MRPL28: variants seen among roughly 807,000 people sequenced by gnomAD.
MRPL28 encodes large ribosomal subunit protein bL28m.
A neutral mutation model predicts 26.2 loss-of-function variants in MRPL28; 25 were observed. The observed-to-expected ratio is 0.95, with a 90% confidence interval of 0.69 to 1.33. The LOEUF is 1.33. Ranked by LOEUF, MRPL28 falls within the 40% of genes most tolerant of loss-of-function variation. MRPL28 has a pLI of 0.00. For missense variants in MRPL28, 432 were observed against 327.2 expected (o/e 1.32, Z -2.47); for synonymous variants, 227 against 140.1 (o/e 1.62, Z -4.38).
rs1418277306 is a variant in MRPL28, at chr16:367,616, T to C, written c.*59A>G. On this transcript the variant is annotated 3_prime_UTR_variant, in exon 6 of 6. Transcript: ENST00000199706. ...AGCTCCCCGGGATCTGTGTCCTCAG[T>C]GCAAAGGGCCTGGCAGGGAAAGCTG... is the stretch of plus-strand genomic sequence containing the variant. 6.0e-6 allele frequency: 9 copies of C among 1,490,580 alleles called. No homozygotes were observed. Among genetic ancestry groups the C allele is most frequent in the Non-Finnish European group, 6.5e-6 (7 of 1,072,394 alleles). The allele number at this position is 1,490,580 out of a possible 1,614,324, so 92.3% of individuals were successfully genotyped here.
Position 369,152 on chromosome 16 carries a change from C to T in MRPL28, c.357G>A (p.Leu119=), listed in dbSNP as rs756031640. The T allele has an allele frequency of 1.2e-6, 2 of 1,613,970 alleles. No homozygotes were observed. The highest frequency in any genetic ancestry group is 1.1e-5 in the South Asian group (1 of 91,094). The change falls in exon 3 of 6, where the codon CTG becomes CTA. Residue 119 remains leucine, a synonymous_variant. Coordinates refer to ENST00000199706, the MANE Select transcript of MRPL28 (RefSeq NM_006428.5). ...LFEREFYSEI[L]DKKFTVTVTM... is the part of the protein sequence containing the mutation. ...TCACAGTCACTGTGAACTTCTTGTCCAGGATCTCACTGTAGAACTCTCGCT... is the reference window on the plus strand; with the variant it reads ...TCACAGTCACTGTGAACTTCTTGTCTAGGATCTCACTGTAGAACTCTCGCT...
At chr16:369,787 C>T (rs2054302573) in intron 2 of MRPL28, 144 bp downstream of exon 2, 5 of 1,068,498 alleles carry the variant, frequency 4.7e-6, no homozygotes, top group African/African-American at 1.6e-5. Flanking sequence ...CTTCACTCAG[C>T]GTGCTCCTTT....
At chr16:368,721 G>A (rs1009806166) in intron 3 of MRPL28, 86 bp from the exon 4 acceptor site, 39 of 1,501,846 alleles carry the variant, frequency 2.6e-5, no homozygotes, top group African/African-American at 2.2e-4. Flanking sequence ...CTCTCTAGCC[G>A]CTGGTGGTCC....
In MRPL28 at chr16:369,866, G is replaced by A. The variant is rs114301973; in HGVS notation, c.288+65C>T. On this transcript the variant is annotated intron_variant, in intron 2 of 5. Transcript: ENST00000199706. ...CCAGGTCTCTCCAGGTACCCCGGGC[G>A]TCCGGCACAGAGCCGGCACAGCCAA... The A allele has an allele frequency of 0.012, 19,154 of 1,547,584 alleles. 904 individuals are homozygous for A. In the African/African-American group the frequency reaches 0.14, roughly 12 times the overall value.
chr16:367,693 C>G lies in MRPL28; in HGVS notation c.753G>C (p.Lys251Asn), dbSNP rs1053604. ...QALSEPAVVQ[K>N]RASGQ The stretch of plus-strand genomic sequence containing the variant: ...TGTGTGGTCACTGGCCACTGGCTCT[C>G]TTCTGCACCACCGCCGGCTCTGACA... The change falls in exon 6 of 6, where the codon AAG (lysine) becomes AAC (asparagine). Residue 251 changes from lysine (K) to asparagine (N), a missense_variant. By Grantham distance (94) the Lys-to-Asn change is moderately conservative. Transcript: ENST00000199706. 6.2e-7 allele frequency: 1 copy of G among 1,613,762 alleles called. No homozygotes were observed. Among genetic ancestry groups the G allele is most frequent in the South Asian group, 1.1e-5 (1 of 91,086 alleles).
intron 2 of MRPL28, 51 bp from the exon 3 acceptor site, chr16:369,271 C>G (rs752512367): frequency 6.9e-7 from 1 of 1,442,564 alleles, no homozygotes; most frequent in Non-Finnish European, 9.1e-7. Flanking sequence ...TCTTACATAC[C>G]AAGGGGGGCC....
intron 3 of MRPL28, 76 bp from the exon 4 acceptor site, chr16:368,711 C>T (rs1208119860): frequency 2.1e-5 from 31 of 1,507,194 alleles, no homozygotes; most frequent in Non-Finnish European, 2.7e-5. Context: ...CACCTGGCTC[C>T]TCTCTAGCCG....
chr16:369,444 G>C (rs2054296436), intron 2 of MRPL28: 1 of 627,284 alleles, frequency 1.6e-6, no homozygotes, highest in Non-Finnish European at 2.8e-6. Context: ...CAACAAGCTG[G>C]GCGTTCCCGC....
rs369730509 is a variant in MRPL28 at position 369,924 on chromosome 16, G to A, written c.288+7C>T. ...GAGGAGCCCCTGAAGGCCGCCTGCG[G>A]ACCCACCTTGTCGTTGTTGGCATAT... On this transcript the variant is annotated splice_region_variant and intron_variant, in intron 2 of 5. Transcript: ENST00000199706. 5.6e-6 allele frequency: 9 copies of A among 1,605,622 alleles called. No individual in the cohort carries two copies. The African/African-American group carries it at 6.7e-5, about 12-fold the overall frequency.
chr16:368,750 G>T, intron 3 of MRPL28, 115 bp from the exon 4 acceptor site: 1 of 1,463,660 alleles, frequency 6.8e-7, no homozygotes, highest in Non-Finnish European at 9.1e-7. Context: ...GACAGAGAAG[G>T]CCCGGGTGGG....
chr16:369,311 G>A (rs1415478361), intron 2 of MRPL28, 91 bp from the exon 3 acceptor site: 3 of 1,500,206 alleles, frequency 2.0e-6, no homozygotes, highest in African/African-American at 1.4e-5. Context: ...CCCCCCCGGA[G>A]GCTCCATCAC....
Position 367,382 on chromosome 16 carries a change from G to A in MRPL28, c.*293C>T, listed in dbSNP as rs929854967. The A allele has an allele frequency of 1.5e-6, 1 of 682,020 alleles. No homozygotes were observed. The highest frequency in any genetic ancestry group is 1.8e-5 in the African/African-American group (1 of 56,162). 42.2% of individuals were successfully genotyped at this position (682,020 alleles called of 1,614,324 possible). Reference sequence around the variant, plus strand: ...AGAGAACACCAGTCCTCAAAGCAAAGATACACACACACAGCCTGGCCCAGA... The same window carrying A: ...AGAGAACACCAGTCCTCAAAGCAAAAATACACACACACAGCCTGGCCCAGA... On this transcript the variant is annotated 3_prime_UTR_variant, in exon 6 of 6. Coordinates refer to ENST00000199706, the MANE Select transcript of MRPL28 (RefSeq NM_006428.5).
chr16:370,073 T>C lies in MRPL28; in HGVS notation c.146A>G (p.Lys49Arg). Residue 49 changes from lysine (K) to arginine (R), a missense_variant, in exon 2 of 6, where the codon AAG becomes AGG. Coordinates refer to ENST00000199706, the MANE Select transcript of MRPL28 (RefSeq NM_006428.5). ...CCCGTTCTTGGGGTTGATCTTGAACTTGGCCCCATGAGGCCTATAGTGCAC... is the reference window on the plus strand; with the variant it reads ...CCCGTTCTTGGGGTTGATCTTGAACCTGGCCCCATGAGGCCTATAGTGCAC... ...TPVHYRPHGA[K>R]FKINPKNGQR... 1.9e-6 allele frequency: 3 copies of C among 1,612,692 alleles called. No individual in the cohort carries two copies. The highest frequency in any genetic ancestry group is 2.5e-6 in the Non-Finnish European group (3 of 1,179,638).
rs994610992 is a variant in MRPL28 at position 367,112 on chromosome 16, G to A, written c.*563C>T. On this transcript the variant is annotated 3_prime_UTR_variant, in exon 6 of 6. Transcript: ENST00000199706. ...CCCAGCTACTCAGGAGGCTGAGACAGGACAATCACTTGAACTCTGGAGGTG... is the reference window on the plus strand; with the variant it reads ...CCCAGCTACTCAGGAGGCTGAGACAAGACAATCACTTGAACTCTGGAGGTG... Among the ~76,000 whole-genome samples the A allele has an allele frequency of 5.3e-5, 8 of 152,166 alleles. No homozygotes were observed. Among genetic ancestry groups the A allele is most frequent in the Admixed American group, 4.6e-4 (7 of 15,278 alleles).
rs556081658 is a variant in MRPL28, at chr16:369,729, C to T, written c.288+202G>A. The T allele has an allele frequency of 2.0e-5, 16 of 795,196 alleles. No homozygotes were observed. In the South Asian group the frequency reaches 2.5e-4, roughly 12 times the overall value. The allele number at this position is 795,196 out of a possible 1,614,324, so 49.3% of individuals were successfully genotyped here. On this transcript the variant is annotated intron_variant, in intron 2 of 5. Transcript: ENST00000199706. ...CTGGTTGCTCCCCCGGCCTGAGTCA[C>T]CCCACCTCACCCCTACTTTATCAGT...
At chr16:368,023 C>G (rs928161842) in intron 5 of MRPL28, among the ~76,000 whole-genome samples, 1 of 152,250 alleles carries the variant, frequency 6.6e-6, no homozygotes, top group African/African-American at 2.4e-5. Context: ...AGCTGCCATG[C>G]CATCAGGGGC....
chr16:367,675 T>C lies in MRPL28; in HGVS notation c.771A>G (p.Ter257TrpextTer21). 1 of 1,613,198 alleles carries C rather than the reference T, an allele frequency of 6.2e-7. No homozygotes were observed. Among genetic ancestry groups the C allele is most frequent in the Non-Finnish European group, 8.5e-7 (1 of 1,179,562 alleles). The change falls in exon 6 of 6, where the codon TGA (stop) becomes TGG (tryptophan). Residue 257 changes from the stop codon to tryptophan (W), a stop_lost. Transcript: ENST00000199706. ...GGTCAGGCATGGAGGAGCTGTGTGG[T>C]CACTGGCCACTGGCTCTCTTCTGCA... The part of the protein sequence containing the change: ...AVVQKRASGQ[*>W]
chr16:368,956 C>T (rs1341988106), intron 3 of MRPL28, 112 bp downstream of exon 3: 4 of 1,336,072 alleles, frequency 3.0e-6, no homozygotes, highest in Admixed American at 4.6e-5. Context: ...TTCCCAGTGA[C>T]CCTCCTGTGC....
At chr16:368,039 G>A (rs939074573) in intron 5 of MRPL28, among the ~76,000 whole-genome samples, 1 of 152,248 alleles carries the variant, frequency 6.6e-6, no homozygotes, top group Non-Finnish European at 1.5e-5. Flanking sequence ...GGGGCTCCCT[G>A]TCCTGACAGC....
Sources: allele counts gnomAD v4.1 joint callset (sites outside exome capture counted in the v4.1 genomes callset), GRCh38; gene constraint gnomAD v4.1.1; transcripts MANE v1.5; gene names NCBI Gene and HGNC (gene_info 2026-07-23, HGNC 2026-07-21).